Variants in RBFOX1 observed in about 807,000 individuals in gnomAD.
RBFOX1 encodes the protein RNA binding fox-1 homolog 1.
RBFOX1 carries 8 observed loss-of-function variants against 57.7 expected under a neutral mutation model. That is an observed-to-expected ratio of 0.14 (90% CI 0.08 to 0.25). The LOEUF (loss-of-function observed/expected upper bound fraction) is 0.25. Ranked by LOEUF, RBFOX1 falls within the 10% of genes least tolerant of loss-of-function variation. The pLI, the probability that RBFOX1 is intolerant of heterozygous loss-of-function variation, is 1.00. For missense variants in RBFOX1, 611 were observed against 548.5 expected, an observed-to-expected ratio of 1.11 and a Z score of -1.14; for synonymous variants, 326 against 222.4, an observed-to-expected ratio of 1.47 and a Z score of -4.15.
chr16:6,152,485 T>C (rs1463294095), intron 1 of RBFOX1, among the ~76,000 whole-genome samples: 17 of 152,200 alleles, frequency 1.1e-4, no homozygotes, highest in African/African-American at 3.9e-4. Flanking sequence ...TGGCATGAGA[T>C]GAAAGTCAGA....
intron 2 of RBFOX1, among the ~76,000 whole-genome samples, chr16:6,514,908 G>T (rs1010618622): frequency 3.3e-5 from 5 of 152,032 alleles, no homozygotes; most frequent in Non-Finnish European, 7.4e-5. Context: ...AAAAAAGAGG[G>T]AGAGAAAAGG....
chr16:6,901,327 C>G (rs2068434705), intron 3 of RBFOX1, among the ~76,000 whole-genome samples: 1 of 152,178 alleles, frequency 6.6e-6, no homozygotes, highest in Non-Finnish European at 1.5e-5. Flanking sequence ...GGCAAGTCAA[C>G]AGAAGTTTCA....
At chr16:6,835,248 C>G (rs865843909) in intron 3 of RBFOX1, among the ~76,000 whole-genome samples, 2 of 152,110 alleles carry the variant, frequency 1.3e-5, no homozygotes, top group Admixed American at 1.3e-4. Context: ...GCGCTGTGGA[C>G]TAAGATCCAC....
intron 4 of RBFOX1, among the ~76,000 whole-genome samples, chr16:7,106,162 T>G (rs1169349466): frequency 1.3e-5 from 2 of 152,196 alleles, no homozygotes; most frequent in Non-Finnish European, 2.9e-5. Flanking sequence ...GAAGACACAG[T>G]GCACTTTGAG....
At chr16:6,747,123 T>A (rs762343833) in intron 3 of RBFOX1, among the ~76,000 whole-genome samples, 2 of 152,124 alleles carry the variant, frequency 1.3e-5, no homozygotes, top group Non-Finnish European at 1.5e-5. Context: ...ATTATCTTAC[T>A]GGTCGGCCAG....
At chr16:6,885,300 G>A (rs1041323074) in intron 3 of RBFOX1, among the ~76,000 whole-genome samples, 1 of 152,248 alleles carries the variant, frequency 6.6e-6, no homozygotes, top group South Asian at 2.1e-4. Context: ...CTCTATCCTC[G>A]CTGCAGGCAA....
At chr16:6,755,578 G>A (rs974130285) in intron 3 of RBFOX1, among the ~76,000 whole-genome samples, 2 of 152,142 alleles carry the variant, frequency 1.3e-5, no homozygotes, top group Admixed American at 1.3e-4. Flanking sequence ...ATCTCTTAGT[G>A]GAGCATTGTG....
At chr16:6,633,303 G>A (rs1439654493) in intron 2 of RBFOX1, among the ~76,000 whole-genome samples, 2 of 152,082 alleles carry the variant, frequency 1.3e-5, no homozygotes, top group South Asian at 2.1e-4. Flanking sequence ...TTGAGACAGA[G>A]TGTCACTCTT....
intron 4 of RBFOX1, among the ~76,000 whole-genome samples, chr16:7,292,837 A>C (rs1032366746): frequency 6.6e-6 from 1 of 152,116 alleles, no homozygotes; most frequent in African/African-American, 2.4e-5. Context: ...TGGAGCGTAC[A>C]GGTTTGGTTT....
chr16:7,384,139 A>G (rs1454238706), intron 4 of RBFOX1, among the ~76,000 whole-genome samples: 7 of 151,846 alleles, frequency 4.6e-5, no homozygotes, highest in Non-Finnish European at 7.4e-5. Context: ...TCTTATATTT[A>G]CGGGAGAGAT....
At chr16:6,631,082 G>A (rs1345734976) in intron 2 of RBFOX1, among the ~76,000 whole-genome samples, 1 of 152,142 alleles carries the variant, frequency 6.6e-6, no homozygotes, top group African/African-American at 2.4e-5. Flanking sequence ...GAGGGCATTT[G>A]GAGGGGGGTT....
chr16:5,830,382 T>A (rs2056222111), intron 3 of RBFOX1, among the ~76,000 whole-genome samples: 1 of 151,594 alleles, frequency 6.6e-6, no homozygotes, highest in Non-Finnish European at 1.5e-5. Context: ...GCTTTTTGTT[T>A]TTTTTTTTTG....
At chr16:6,317,261 C>G (rs1470070640) in intron 2 of RBFOX1, among the ~76,000 whole-genome samples, 1 of 152,118 alleles carries the variant, frequency 6.6e-6, no homozygotes, top group Non-Finnish European at 1.5e-5. Context: ...CCTCCCTCCC[C>G]AATGAACCTG....
intron 1 of RBFOX1, among the ~76,000 whole-genome samples, chr16:6,186,431 A>G (rs11646037): frequency 0.3 from 45,534 of 152,042 alleles, 7,315 homozygotes; most frequent in Middle Eastern, 0.44. Context: ...GAATGAATAC[A>G]TTGTTCATAA....
intron 3 of RBFOX1, among the ~76,000 whole-genome samples, chr16:5,669,452 C>T (rs1490641029): frequency 2.4e-5 from 3 of 123,180 alleles, no homozygotes; most frequent in Non-Finnish European, 3.2e-5. Context: ...GAGACAGAGT[C>T]TCGTTCTGTT....
intron 4 of RBFOX1, among the ~76,000 whole-genome samples, chr16:7,502,001 C>G (rs1332993735): frequency 6.6e-6 from 1 of 152,218 alleles, no homozygotes; most frequent in Non-Finnish European, 1.5e-5. Flanking sequence ...GTATCATGCT[C>G]TTGCCCATTT....
chr16:6,242,809 C>T (rs1396489749), intron 1 of RBFOX1, among the ~76,000 whole-genome samples: 1 of 151,948 alleles, frequency 6.6e-6, no homozygotes, highest in Non-Finnish European at 1.5e-5. Context: ...TGTTTTAAGC[C>T]CAGATGTCCT....
chr16:5,375,666 G>C (rs2065966827), intron 1 of RBFOX1, among the ~76,000 whole-genome samples: 1 of 152,192 alleles, frequency 6.6e-6, no homozygotes, highest in South Asian at 2.1e-4. Context: ...CACCAACTAT[G>C]TGCCAGGCAC....
chr16:5,760,164 A>T (rs2053542899), intron 3 of RBFOX1, among the ~76,000 whole-genome samples: 2 of 152,206 alleles, frequency 1.3e-5, no homozygotes, highest in South Asian at 4.2e-4. Context: ...GGTTGTCCAG[A>T]TTTGCCCGGA....
Sources: allele counts gnomAD v4.1 joint callset (sites outside exome capture counted in the v4.1 genomes callset), GRCh38; gene constraint gnomAD v4.1.1; transcripts MANE v1.5; gene names NCBI Gene and HGNC (gene_info 2026-07-23, HGNC 2026-07-21).